CSMD1: variants seen among roughly 807,000 people sequenced by gnomAD.
CSMD1 encodes the protein CUB and Sushi multiple domains 1.
Under a neutral mutation model 417.5 loss-of-function variants are expected in CSMD1, and 213 were observed. The observed-to-expected ratio is 0.51, with a 90% confidence interval of 0.46 to 0.57. The LOEUF (loss-of-function observed/expected upper bound fraction) is 0.57. Ranked by LOEUF, CSMD1 falls within the 20% of genes least tolerant of loss-of-function variation. The pLI, the probability that CSMD1 is intolerant of heterozygous loss-of-function variation, is 0.00. For missense variants in CSMD1, 6,923 were observed against 4,529.7 expected, an observed-to-expected ratio of 1.53 and a Z score of -15.17; for synonymous variants, 2,862 against 1,736.8, an observed-to-expected ratio of 1.65 and a Z score of -16.11.
intron 1 of CSMD1, among the ~76,000 whole-genome samples, chr8:4,921,002 AGAAAGAAAG>A (rs1563770155): frequency 3.2e-5 from 1 of 31,256 alleles, no homozygotes; most frequent in Non-Finnish European, 5.8e-5. Context: ...AAGAAAAGAA[AGAAAGAAAG>A]AAAAGAAAGA....
intron 62 of CSMD1, among the ~76,000 whole-genome samples, chr8:2,959,523 A>G (rs1428042791): frequency 1.3e-5 from 2 of 152,128 alleles, no homozygotes; most frequent in Non-Finnish European, 2.9e-5. Flanking sequence ...TGTATCATTT[A>G]CTGGCAGAAA....
At chr8:4,772,160 G>C (rs541764573) in intron 1 of CSMD1, among the ~76,000 whole-genome samples, 2 of 152,084 alleles carry the variant, frequency 1.3e-5, no homozygotes, top group South Asian at 2.1e-4. Context: ...GTGGTGGTAG[G>C]GATGAAGTCC....
chr8:4,678,451 A>G (rs1805833072), intron 1 of CSMD1, among the ~76,000 whole-genome samples: 2 of 152,120 alleles, frequency 1.3e-5, no homozygotes, highest in African/African-American at 2.4e-5. Flanking sequence ...ACTAAAAACT[A>G]TCACATTTTT....
In CSMD1 at chr8:3,458,897, G is replaced by A. The variant is rs546675026; in HGVS notation, c.1561+9815C>T. 3.0e-4 allele frequency among the ~76,000 whole-genome samples: 45 copies of A among 152,266 alleles called. No homozygotes were observed. The South Asian group carries it at 9.3e-3, about 32-fold the overall frequency. ...GGAAAACTGTTACCTTAGCTAAAAA[G>A]GAGCTGCTGCTGGTAGCCACAGGGA... is the stretch of plus-strand genomic sequence containing the variant. On this transcript the variant is annotated intron_variant, in intron 12 of 69. Coordinates refer to ENST00000635120, the MANE Select transcript of CSMD1 (RefSeq NM_033225.6).
intron 2 of CSMD1, among the ~76,000 whole-genome samples, chr8:4,457,518 C>A (rs1241096757): frequency 6.6e-6 from 1 of 152,046 alleles, no homozygotes; most frequent in Non-Finnish European, 1.5e-5. Flanking sequence ...TGGACATACC[C>A]ATGTAATTAA....
chr8:3,007,729 C>A (rs1808055896), intron 52 of CSMD1, among the ~76,000 whole-genome samples: 1 of 137,986 alleles, frequency 7.2e-6, no homozygotes, highest in Middle Eastern at 4.4e-3. Flanking sequence ...AGTGAGATCA[C>A]ATGGACACAG....
intron 25 of CSMD1, among the ~76,000 whole-genome samples, chr8:3,285,852 C>G (rs1803113129): frequency 6.6e-6 from 1 of 151,386 alleles, no homozygotes; most frequent in Admixed American, 6.6e-5. Context: ...TATTATTATA[C>G]TTTAAATTTT....
intron 5 of CSMD1, among the ~76,000 whole-genome samples, chr8:3,853,214 T>C (rs1804036222): frequency 6.6e-6 from 1 of 152,110 alleles, no homozygotes. Flanking sequence ...GTTTTCAGTC[T>C]TCTTTGTTGG....
chr8:4,313,417 T>A (rs1014770139), intron 3 of CSMD1, among the ~76,000 whole-genome samples: 2 of 151,114 alleles, frequency 1.3e-5, no homozygotes, highest in Non-Finnish European at 2.9e-5. Context: ...TGAAGATGCC[T>A]GACGGGACCC....
At chr8:3,443,807 C>T (rs1417012264) in intron 12 of CSMD1, among the ~76,000 whole-genome samples, 1 of 152,136 alleles carries the variant, frequency 6.6e-6, no homozygotes, top group East Asian at 1.9e-4. Context: ...AACATGAATG[C>T]AAAACCATTT....
chr8:2,957,281 T>C (rs1314054743), intron 63 of CSMD1, among the ~76,000 whole-genome samples: 10 of 152,220 alleles, frequency 6.6e-5, no homozygotes, highest in Non-Finnish European at 1.5e-4. Context: ...CTTTGGTAAT[T>C]TGATGTAAAT....
intron 61 of CSMD1, among the ~76,000 whole-genome samples, 155 bp from the exon 62 acceptor site, chr8:2,961,369 C>G (rs1404827273): frequency 6.6e-6 from 1 of 152,054 alleles, no homozygotes; most frequent in African/African-American, 2.4e-5. Flanking sequence ...TAAATTGCTA[C>G]TTTTATCTTC....
intron 36 of CSMD1, among the ~76,000 whole-genome samples, chr8:3,181,798 G>T (rs1821344902): frequency 1.3e-5 from 2 of 152,144 alleles, no homozygotes; most frequent in Non-Finnish European, 2.9e-5. Flanking sequence ...AAATGTTCTA[G>T]CCTACATCAC....
intron 17 of CSMD1, among the ~76,000 whole-genome samples, chr8:3,392,139 G>A (rs1376769078): frequency 6.6e-6 from 1 of 150,880 alleles, no homozygotes; most frequent in Admixed American, 6.6e-5. Context: ...ATAGCATTAG[G>A]AGATATACCT....
At chr8:3,352,527 C>G (rs2593609) in intron 21 of CSMD1, among the ~76,000 whole-genome samples, 1 of 151,962 alleles carries the variant, frequency 6.6e-6, no homozygotes, top group African/African-American at 2.4e-5. Flanking sequence ...GTCACTTACA[C>G]AGTGCATGTT....
intron 3 of CSMD1, among the ~76,000 whole-genome samples, chr8:4,382,978 G>A (rs1377406053): frequency 1.3e-5 from 2 of 152,184 alleles, no homozygotes; most frequent in African/African-American, 4.8e-5. Context: ...AAAGAACTGA[G>A]AGGTCGCACC....
At chr8:3,073,051 C>G (rs1409588533) in intron 49 of CSMD1, among the ~76,000 whole-genome samples, 2 of 152,172 alleles carry the variant, frequency 1.3e-5, no homozygotes, top group Non-Finnish European at 2.9e-5. Context: ...GCAACCCTCC[C>G]AAATTCCCAG....
chr8:3,139,266 C>G (rs1005816169), intron 41 of CSMD1, among the ~76,000 whole-genome samples: 3 of 152,174 alleles, frequency 2.0e-5, no homozygotes, highest in African/African-American at 7.2e-5. Context: ...GAGTTTGAAT[C>G]ACGGAAAGCA....
intron 5 of CSMD1, among the ~76,000 whole-genome samples, chr8:3,992,702 G>C (rs1455812684): frequency 2.0e-5 from 3 of 152,186 alleles, no homozygotes; most frequent in African/African-American, 4.8e-5. Flanking sequence ...GATGGCTTCA[G>C]TCCAGGAGTT....
Sources: gnomAD v4.1 joint callset for allele counts (sites outside exome capture counted in the v4.1 genomes callset) on GRCh38, gnomAD v4.1.1 for gene constraint, MANE v1.5 for transcripts, NCBI Gene and HGNC (gene_info 2026-07-23, HGNC 2026-07-21) for gene names.